The following INTS9 variants were observed in gnomAD, a reference collection of about 807,000 sequenced individuals.
INTS9 encodes the protein integrator complex subunit 9, also known as protein related to CPSF subunits of 74 kDa.
INTS9 carries 55 observed loss-of-function variants against 79.7 expected under a neutral mutation model. The observed-to-expected ratio is 0.69, with a 90% CI of 0.56 to 0.86. INTS9 has a LOEUF of 0.86. INTS9 is among the 40% of genes least tolerant of loss of function. The pLI, the probability that INTS9 is intolerant of heterozygous loss-of-function variation, is 0.00. For synonymous variants in INTS9, 319 were observed against 325.2 expected (o/e 0.98, Z 0.20); for missense variants, 721 against 831.5 (o/e 0.87, Z 1.64).
chr8:28,859,591 GT>G, intron 1 of INTS9, 28 bp from the exon 2 acceptor site: 1 of 1,611,422 alleles, frequency 6.2e-7, no homozygotes, highest in East Asian at 2.2e-5. Flanking sequence ...ACTTTGATCA[GT>G]AATCAATTAC....
rs534326610 is a variant in INTS9 at position 28,796,458 on chromosome 8, C to T, written c.856+86G>A. ...ACTGCTACCCTGTAAGCACTCCTTCCCCCATTATTGTAAAATATTATATTT... is the reference window on the plus strand; with the variant it reads ...ACTGCTACCCTGTAAGCACTCCTTCTCCCATTATTGTAAAATATTATATTT... On this transcript the variant is annotated intron_variant, in intron 9 of 16. Coordinates refer to ENST00000521022, the MANE Select transcript of INTS9 (RefSeq NM_018250.4). 13 of 758,724 alleles carry T rather than the reference C, an allele frequency of 1.7e-5. No individual in the cohort carries two copies. The African/African-American group carries it at 1.9e-4, about 11-fold the overall frequency. 47.0% of individuals were successfully genotyped at this position (758,724 alleles called of 1,614,324 possible). A position where few individuals can be genotyped will look rare whatever the true frequency, so the allele number is the denominator to read the frequency against.
intron 2 of INTS9, among the ~76,000 whole-genome samples, chr8:28,853,862 G>C (rs1408091631): frequency 6.6e-6 from 1 of 152,060 alleles, no homozygotes; most frequent in Non-Finnish European, 1.5e-5. Context: ...GGGACTACAG[G>C]TGCCTGCCAC....
At chr8:28,786,920 T>G (rs556331930) in intron 11 of INTS9, among the ~76,000 whole-genome samples, 2 of 152,038 alleles carry the variant, frequency 1.3e-5, no homozygotes, top group African/African-American at 4.8e-5. Flanking sequence ...GGTTTCACTG[T>G]GTTAGCCAGG....
At chr8:28,832,075 T>C (rs1806523688) in intron 6 of INTS9, among the ~76,000 whole-genome samples, 1 of 152,100 alleles carries the variant, frequency 6.6e-6, no homozygotes, top group Admixed American at 6.5e-5. Context: ...TATAAAGGGT[T>C]TACATTTAAG....
At chr8:28,798,269 C>T (rs1428976276) in intron 8 of INTS9, 2 of 152,220 alleles carry the variant, frequency 1.3e-5, no homozygotes, top group Non-Finnish European at 2.9e-5. Flanking sequence ...TGTAAGGGGC[C>T]TCAGACTGTT....
intron 8 of INTS9, 24 bp downstream of exon 8, chr8:28,812,303 T>C: frequency 6.2e-7 from 1 of 1,610,388 alleles, no homozygotes; most frequent in Non-Finnish European, 8.5e-7. Context: ...AAAGCTGAGT[T>C]GCTAGAAGAG....
chr8:28,796,732 A>C (rs928718092), intron 8 of INTS9, 77 bp from the exon 9 acceptor site: 1 of 890,756 alleles, frequency 1.1e-6, no homozygotes, highest in African/African-American at 1.6e-5. Context: ...ATACGAGAAC[A>C]CAGACATTGC....
intron 8 of INTS9, among the ~76,000 whole-genome samples, chr8:28,802,155 T>C (rs942415349): frequency 1.3e-5 from 2 of 152,212 alleles, no homozygotes; most frequent in Non-Finnish European, 2.9e-5. Context: ...TTTTATTTCA[T>C]TTCTTAAACA....
intron 1 of INTS9, among the ~76,000 whole-genome samples, chr8:28,870,814 G>C (rs939949293): frequency 6.6e-6 from 1 of 152,114 alleles, no homozygotes; most frequent in Non-Finnish European, 1.5e-5. Flanking sequence ...AAGATGCCTG[G>C]TATAATACGT....
chr8:28,877,741 T>C (rs1809474238), intron 1 of INTS9, among the ~76,000 whole-genome samples: 1 of 152,182 alleles, frequency 6.6e-6, no homozygotes, highest in African/African-American at 2.4e-5. Flanking sequence ...AATGTATTTT[T>C]GAGATATATT....
At chr8:28,835,192 C>T in intron 6 of INTS9, 100 bp downstream of exon 6, 1 of 743,476 alleles carries the variant, frequency 1.3e-6, no homozygotes, top group South Asian at 1.8e-5. Flanking sequence ...TTTAATATAA[C>T]CAAATCATTG....
intron 4 of INTS9, among the ~76,000 whole-genome samples, chr8:28,845,118 A>C (rs1175857376): frequency 6.6e-6 from 1 of 152,220 alleles, no homozygotes; most frequent in Non-Finnish European, 1.5e-5. Context: ...TCTATCTTTA[A>C]AACTGCTGTA....
At chr8:28,880,189 G>A (rs926441588) in intron 1 of INTS9, among the ~76,000 whole-genome samples, 3 of 152,122 alleles carry the variant, frequency 2.0e-5, no homozygotes, top group African/African-American at 7.2e-5. Flanking sequence ...CATTATGCTT[G>A]CCTTTATTTT....
chr8:28,853,451 T>C (rs1383844412), intron 2 of INTS9, among the ~76,000 whole-genome samples: 5 of 150,890 alleles, frequency 3.3e-5, no homozygotes, highest in African/African-American at 1.2e-4. Context: ...AAAGAAAATC[T>C]AATAAAATAT....
intron 4 of INTS9, among the ~76,000 whole-genome samples, chr8:28,840,363 C>G (rs1392517590): frequency 2.0e-5 from 3 of 147,194 alleles, no homozygotes; most frequent in African/African-American, 7.6e-5. Flanking sequence ...ACTAGTTCAA[C>G]CATTGTGGAA....
chr8:28,800,907 G>C (rs903560833), intron 8 of INTS9, among the ~76,000 whole-genome samples: 1 of 152,172 alleles, frequency 6.6e-6, no homozygotes, highest in African/African-American at 2.4e-5. Context: ...AGCCAGATAA[G>C]ACAAACAAGA....
intron 1 of INTS9, among the ~76,000 whole-genome samples, chr8:28,880,604 C>T (rs1002797849): frequency 4.6e-5 from 7 of 150,574 alleles, no homozygotes; most frequent in African/African-American, 1.5e-4. Flanking sequence ...GATCTCGGCT[C>T]GCTACAACCA....
At position 28,770,701 on chromosome 8, in the gene INTS9, C is replaced by T. The variant is rs180891087; in HGVS notation, c.1662+281G>A. ...GCCACAGCCTCACGCAGGTGCCCTC[C>T]GGTTCCAGCCCCCAAGGGCAGGGCT... On this transcript the variant is annotated intron_variant, in intron 15 of 16. Coordinates refer to ENST00000521022, the MANE Select transcript of INTS9 (RefSeq NM_018250.4). Among the ~76,000 whole-genome samples, 23 of 152,308 alleles carry T rather than the reference C, an allele frequency of 1.5e-4. No individual in the cohort carries two copies. In the East Asian group the frequency reaches 4.3e-3, roughly 28 times the overall value.
At chr8:28,779,661 C>T (rs1465740761) in intron 12 of INTS9, among the ~76,000 whole-genome samples, 3 of 152,202 alleles carry the variant, frequency 2.0e-5, no homozygotes, top group East Asian at 1.9e-4. Flanking sequence ...CGAACACCTG[C>T]GCATCACCGA....
Sources: gnomAD v4.1 joint callset for allele counts (sites outside exome capture counted in the v4.1 genomes callset) on GRCh38, gnomAD v4.1.1 for gene constraint, MANE v1.5 for transcripts, NCBI Gene and HGNC (gene_info 2026-07-23, HGNC 2026-07-21) for gene names.